SLC24A2: variants seen among roughly 807,000 people sequenced by gnomAD.
SLC24A2 encodes sodium/potassium/calcium exchanger 2.
SLC24A2 carries 36 observed loss-of-function variants against 62.0 expected under a neutral mutation model. That is an observed-to-expected ratio of 0.58 (90% CI 0.44 to 0.77). The LOEUF (loss-of-function observed/expected upper bound fraction) is 0.77, where lower values mean the gene tolerates loss of function less well. Among genes scored for constraint, SLC24A2 ranks in the 30% least tolerant of loss-of-function variants. The pLI, the probability that SLC24A2 is intolerant of heterozygous loss-of-function variation, is 0.00. For missense variants in SLC24A2, 846 were observed against 817.9 expected (o/e 1.03, Z -0.42); for synonymous variants, 358 against 294.0 (o/e 1.22, Z -2.23).
At chr9:19,557,606 T>A (rs1054110017) in intron 7 of SLC24A2, among the ~76,000 whole-genome samples, 1 of 152,236 alleles carries the variant, frequency 6.6e-6, no homozygotes, top group South Asian at 2.1e-4. Context: ...GGCCAGCTAG[T>A]CAAGGCATGC....
the SLC24A2 span, among the ~76,000 whole-genome samples, chr9:20,231,440 G>C: frequency 6.6e-6 from 1 of 152,092 alleles, no homozygotes; most frequent in Non-Finnish European, 1.5e-5. Context: ...TCCTTGAAGA[G>C]GTCCTTCACA....
At chr9:19,542,026 C>G (rs574657712) in intron 8 of SLC24A2, among the ~76,000 whole-genome samples, 1 of 152,222 alleles carries the variant, frequency 6.6e-6, no homozygotes, top group African/African-American at 2.4e-5. Context: ...CTGACCCTTG[C>G]GCTTCCCAGG....
chr9:20,050,936 GA>G, the SLC24A2 span, among the ~76,000 whole-genome samples: 2 of 151,182 alleles, frequency 1.3e-5, no homozygotes, highest in Admixed American at 6.6e-5. Context: ...AAGAAAACTA[GA>G]AAAAAAGTTA....
At chr9:20,071,190 G>C in the SLC24A2 span, among the ~76,000 whole-genome samples, 2 of 152,162 alleles carry the variant, frequency 1.3e-5, no homozygotes, top group African/African-American at 4.8e-5. Context: ...CTGTGGGCCA[G>C]TTAAGCTTCT....
At chr9:19,965,223 C>G in the SLC24A2 span, among the ~76,000 whole-genome samples, 4 of 152,216 alleles carry the variant, frequency 2.6e-5, no homozygotes, top group South Asian at 8.3e-4. Context: ...ATTACCCCAG[C>G]ACTGACCAAT....
the SLC24A2 span, among the ~76,000 whole-genome samples, chr9:20,227,035 T>C: frequency 1.3e-5 from 2 of 152,204 alleles, 1 homozygote; most frequent in African/African-American, 4.8e-5. Context: ...GCATTGTTCA[T>C]TCTCTAAATC....
At chr9:19,644,323 C>G (rs1818582386) in intron 2 of SLC24A2, among the ~76,000 whole-genome samples, 2 of 152,108 alleles carry the variant, frequency 1.3e-5, no homozygotes, top group African/African-American at 4.8e-5. Context: ...ATGAGAACAT[C>G]CAGCCTAAGT....
intron 7 of SLC24A2, among the ~76,000 whole-genome samples, chr9:19,551,795 T>C (rs558742803): frequency 1.3e-5 from 2 of 152,252 alleles, no homozygotes; most frequent in African/African-American, 4.8e-5. Flanking sequence ...CTATGTCTTG[T>C]TTATTTATCT....
chr9:20,214,963 G>A, the SLC24A2 span, among the ~76,000 whole-genome samples: 274 of 152,272 alleles, frequency 1.8e-3, 1 homozygote, highest in African/African-American at 5.9e-3. Flanking sequence ...AAATATCCCT[G>A]TACATCTAAT....
the SLC24A2 span, among the ~76,000 whole-genome samples, chr9:19,811,270 G>A: frequency 6.6e-6 from 1 of 152,160 alleles, no homozygotes; most frequent in African/African-American, 2.4e-5. Context: ...CCTGATCTCA[G>A]ACTTCCAGCC....
At chr9:19,827,239 A>G in the SLC24A2 span, among the ~76,000 whole-genome samples, 1 of 152,162 alleles carries the variant, frequency 6.6e-6, no homozygotes, top group East Asian at 1.9e-4. Context: ...ATGCATCTTG[A>G]TGAGATAAGT....
the SLC24A2 span, among the ~76,000 whole-genome samples, chr9:19,908,962 C>A: frequency 6.6e-6 from 1 of 152,238 alleles, no homozygotes; most frequent in East Asian, 1.9e-4. Flanking sequence ...TACCATGTGA[C>A]CCAGCCATCC....
At chr9:20,018,536 C>T in the SLC24A2 span, among the ~76,000 whole-genome samples, 2 of 152,130 alleles carry the variant, frequency 1.3e-5, no homozygotes, top group African/African-American at 4.8e-5. Flanking sequence ...TCCTTTTCCT[C>T]CATTTTCTCC....
chr9:19,546,012 C>A (rs754142279), intron 8 of SLC24A2, among the ~76,000 whole-genome samples: 36 of 152,202 alleles, frequency 2.4e-4, no homozygotes, highest in Non-Finnish European at 3.8e-4. Context: ...ACCCTGTTTG[C>A]CTGGATATCA....
At chr9:19,909,450 G>T in the SLC24A2 span, among the ~76,000 whole-genome samples, 8 of 152,052 alleles carry the variant, frequency 5.3e-5, no homozygotes, top group Non-Finnish European at 8.8e-5. Flanking sequence ...CCTGCACATT[G>T]TGCACATGTA....
chr9:19,924,164 ACCCAGTTGGTTC>A, the SLC24A2 span, among the ~76,000 whole-genome samples: 27 of 152,312 alleles, frequency 1.8e-4, no homozygotes, highest in Middle Eastern at 3.4e-3. Flanking sequence ...ATGGATATAT[ACCCAGTTGGTTC>A]AGGCAATGGG....
the SLC24A2 span, among the ~76,000 whole-genome samples, chr9:19,947,843 AG>A: frequency 1.3e-5 from 2 of 151,008 alleles, no homozygotes; most frequent in Admixed American, 6.6e-5. Context: ...AAAGAAAGAA[AG>A]AAAGAAATTA....
chr9:19,716,194 A>T (rs1349612862), intron 2 of SLC24A2, among the ~76,000 whole-genome samples: 1 of 152,000 alleles, frequency 6.6e-6, no homozygotes, highest in Non-Finnish European at 1.5e-5. Context: ...TGCCTTTCCT[A>T]ATCCATATCG....
At chr9:19,740,871 C>CA (rs35585142) in intron 2 of SLC24A2, among the ~76,000 whole-genome samples, 60,055 of 139,308 alleles carry the variant, frequency 0.43, 12,713 homozygotes, top group African/African-American at 0.52. Context: ...TAAAAAGGAC[C>CA]AAAAAAAAAA....
Sources: allele counts gnomAD v4.1 joint callset (sites outside exome capture counted in the v4.1 genomes callset), GRCh38; gene constraint gnomAD v4.1.1; transcripts MANE v1.5; gene names NCBI Gene and HGNC (gene_info 2026-07-23, HGNC 2026-07-21).